The following TMEM39A variants were observed in gnomAD, a reference collection of about 807,000 sequenced individuals.
The protein encoded by TMEM39A is suppressor of SQST-1 aggregates in rpl-43 mutants.
TMEM39A carries 19 observed loss-of-function variants against 51.9 expected under a neutral mutation model. The ratio of observed to expected loss-of-function variants is 0.37; its 90% CI spans 0.26 to 0.54. The LOEUF (loss-of-function observed/expected upper bound fraction) is 0.54. Among genes scored for constraint, TMEM39A ranks in the 20% least tolerant of loss-of-function variants. TMEM39A has a pLI of 0.88. For synonymous variants in TMEM39A, 197 were observed against 220.2 expected (o/e 0.89, Z 0.93); for missense variants, 433 against 590.5 (o/e 0.73, Z 2.76).
rs372839914 is a variant in TMEM39A at position 119,438,051 on chromosome 3, G to T, written c.628C>A (p.Leu210Ile). ...CCFHQDSRAH[L>I]LLTDYNYVVQ... is the part of the protein sequence containing the mutation. Reference sequence around the variant, plus strand: ...ACATAGTTGTAGTCTGTGAGAAGAAGATGTGCTCTACTATCTTGATGAAAA... The same window carrying T: ...ACATAGTTGTAGTCTGTGAGAAGAATATGTGCTCTACTATCTTGATGAAAA... The change falls in exon 6 of 9, where the codon CTT becomes ATT. Residue 210 changes from leucine to isoleucine, a missense_variant. Physicochemically the swap from Leu to Ile is conservative, Grantham distance 5 (BLOSUM62 2). Transcript: ENST00000319172. The T allele has an allele frequency of 1.6e-5, 25 of 1,608,192 alleles. No homozygotes were observed. Among genetic ancestry groups the T allele is most frequent in the Non-Finnish European group, 2.0e-5 (23 of 1,175,050 alleles).
chr3:119,462,655 A>C (rs957727577), intron 1 of TMEM39A, among the ~76,000 whole-genome samples: 1 of 13,624 alleles, frequency 7.3e-5, no homozygotes, highest in Non-Finnish European at 1.3e-4. Context: ...GGGGGGGGGG[A>C]GTGTCCCCTG....
At position 119,461,972 on chromosome 3, in the gene TMEM39A, A is replaced by C; in HGVS notation, c.103T>G (p.Leu35Val). Reference protein sequence around the residue: ...VGGGCGNGTGLRNRNGSAIGL... With the variant: ...VGGGCGNGTGVRNRNGSAIGL... ...TTATTTTTTCTTTACCTGTTTCTCAAGCCTGTTCCATTGCCACAGCCTCCA... is the reference window on the plus strand; with the variant it reads ...TTATTTTTTCTTTACCTGTTTCTCACGCCTGTTCCATTGCCACAGCCTCCA... The change falls in exon 2 of 9, where the codon TTG becomes GTG. Residue 35 changes from leucine (L) to valine (V), a missense_variant. Physicochemically the swap from Leu to Val is conservative, Grantham distance 32 (BLOSUM62 1). Transcript: ENST00000319172. 6.2e-7 allele frequency: 1 copy of C among 1,614,034 alleles called. No individual in the cohort carries two copies. Among genetic ancestry groups the C allele is most frequent in the Non-Finnish European group, 8.5e-7 (1 of 1,179,920 alleles).
intron 5 of TMEM39A, among the ~76,000 whole-genome samples, chr3:119,441,278 A>C (rs2081049984): frequency 6.6e-6 from 1 of 152,244 alleles, no homozygotes; most frequent in East Asian, 1.9e-4. Flanking sequence ...TCAAAAGCCC[A>C]GACAAGCTGA....
At chr3:119,443,061 CTCA>C (rs2081076175) in intron 5 of TMEM39A, among the ~76,000 whole-genome samples, 1 of 48,534 alleles carries the variant, frequency 2.1e-5, no homozygotes. Context: ...GAGACCCTGT[CTCA>C]AAAAAAAAAA....
At chr3:119,437,085 A>G (rs986877923) in intron 6 of TMEM39A, 107 bp from the exon 7 acceptor site, 1 of 992,010 alleles carries the variant, frequency 1.0e-6, no homozygotes. Flanking sequence ...TGAGTCACAC[A>G]TGCACTGGTG....
chr3:119,437,666 A>G, intron 6 of TMEM39A, 89 bp downstream of exon 6: 1 of 1,103,810 alleles, frequency 9.1e-7, no homozygotes, highest in Non-Finnish European at 1.3e-6. Flanking sequence ...AAGGGGAGAC[A>G]GAGAAAAGGG....
In TMEM39A at chr3:119,446,151, T is replaced by C. The variant is rs903524651; in HGVS notation, c.575+867A>G. 2.2e-4 allele frequency among the ~76,000 whole-genome samples: 33 copies of C among 152,234 alleles called. 1 individual carries two copies. The highest frequency in any genetic ancestry group is 7.5e-4 in the African/African-American group (31 of 41,466). ...AATTTCATGGATAGAAGATTCATTCTTACAGTAAATCTTAGCAACCTCAGC... is the reference window on the plus strand; with the variant it reads ...AATTTCATGGATAGAAGATTCATTCCTACAGTAAATCTTAGCAACCTCAGC... On this transcript the variant is annotated intron_variant, in intron 5 of 8. Transcript: ENST00000319172.
chr3:119,436,997 G>T lies in TMEM39A; in HGVS notation c.925-19C>A. 6.2e-7 allele frequency: 1 copy of T among 1,600,614 alleles called. No homozygotes were observed. The highest frequency in any genetic ancestry group is 1.1e-5 in the South Asian group (1 of 90,108). The stretch of plus-strand genomic sequence containing the variant: ...GGGTACTCTGGAAGAGATCAGAAGA[G>T]AGAGAAATGATCCATGCACTGGTAA... On this transcript the variant is annotated intron_variant, in intron 6 of 8. Transcript: ENST00000319172.
chr3:119,437,958 GAA>G lies in TMEM39A; in HGVS notation c.719_720del (p.Phe240SerfsTer13). 1.2e-6 allele frequency: 2 copies of G among 1,614,156 alleles called. No homozygotes were observed. Among genetic ancestry groups the G allele is most frequent in the Non-Finnish European group, 1.7e-6 (2 of 1,180,012 alleles). ...TTTAGCGACTCCAGCAACAAGGAGA[GAA>G]AGTCTTTGGATTTGGCCAAGCCTCC... is the stretch of plus-strand genomic sequence containing the variant. Reference protein sequence around the residue: ...TVGGLAKSKDFLSLLLESLKE... With the variant: ...TVGGLAKSKDXLSLLLESLKE... On this transcript the variant is annotated frameshift_variant, in exon 6 of 9. Transcript: ENST00000319172. LOFTEE classifies it high-confidence loss of function.
chr3:119,445,427 G>T (rs776540864), intron 5 of TMEM39A, among the ~76,000 whole-genome samples: 3 of 152,098 alleles, frequency 2.0e-5, no homozygotes, highest in African/African-American at 7.2e-5. Context: ...ACCACGCCCT[G>T]CTAATTTTTT....
intron 8 of TMEM39A, 128 bp from the exon 9 acceptor site, chr3:119,432,342 T>C (rs2080912268): frequency 1.7e-6 from 1 of 595,432 alleles, no homozygotes; most frequent in African/African-American, 1.9e-5. Flanking sequence ...AATAGATCTG[T>C]TTATTTAATA....
intron 5 of TMEM39A, among the ~76,000 whole-genome samples, chr3:119,443,723 C>T: frequency 6.6e-6 from 1 of 151,942 alleles, no homozygotes; most frequent in East Asian, 1.9e-4. Flanking sequence ...CAAGACCAGC[C>T]TGGGCAACAA....
chr3:119,445,461 C>T (rs1486650973), intron 5 of TMEM39A, among the ~76,000 whole-genome samples: 3 of 152,126 alleles, frequency 2.0e-5, no homozygotes, highest in Non-Finnish European at 2.9e-5. Flanking sequence ...GACGGGGTTT[C>T]GCCATGTTGG....
chr3:119,433,740 T>G (rs1442346783), intron 8 of TMEM39A, among the ~76,000 whole-genome samples: 1 of 152,194 alleles, frequency 6.6e-6, no homozygotes, highest in Non-Finnish European at 1.5e-5. Flanking sequence ...TTCCTCCACC[T>G]TAAGGCATTT....
chr3:119,439,880 G>A (rs923543590), intron 5 of TMEM39A, among the ~76,000 whole-genome samples: 9 of 151,822 alleles, frequency 5.9e-5, no homozygotes, highest in Admixed American at 5.3e-4. Flanking sequence ...CAATTCTCCC[G>A]CCTCAGCCTC....
At chr3:119,437,674 G>A (rs2098618008) in intron 6 of TMEM39A, 81 bp downstream of exon 6, 1 of 1,172,690 alleles carries the variant, frequency 8.5e-7, no homozygotes, top group African/African-American at 1.6e-5. Context: ...ACAGAGAAAA[G>A]GGGGATTAAA....
chr3:119,450,591 G>T (rs1229708889), intron 4 of TMEM39A, among the ~76,000 whole-genome samples: 1 of 152,110 alleles, frequency 6.6e-6, no homozygotes, highest in Admixed American at 6.5e-5. Context: ...GGAGGCCAAG[G>T]TGGGTGGATC....
rs761895401 is a variant in TMEM39A at position 119,431,828 on chromosome 3, G to A, written c.*153C>T. The A allele has an allele frequency of 5.8e-5, 30 of 514,252 alleles. No individual in the cohort carries two copies. The South Asian group carries it at 7.3e-4, about 13-fold the overall frequency. The allele number at this position is 514,252 out of a possible 1,614,324, so 31.9% of individuals were successfully genotyped here. ...TGAAAGATCACATCACCTTGTTTAC[G>A]GATACATTTAATATCCCTTACTCTT... On this transcript the variant is annotated 3_prime_UTR_variant, in exon 9 of 9. Coordinates refer to ENST00000319172, the MANE Select transcript of TMEM39A (RefSeq NM_018266.3).
intron 7 of TMEM39A, chr3:119,435,133 G>A: frequency 1.0e-6 from 1 of 985,406 alleles, no homozygotes; most frequent in Non-Finnish European, 1.2e-6. Context: ...GGACTTAAGA[G>A]GCTTAGAAGA....
Sources: allele counts gnomAD v4.1 joint callset (sites outside exome capture counted in the v4.1 genomes callset), GRCh38; gene constraint gnomAD v4.1.1; transcripts MANE v1.5; gene names NCBI Gene and HGNC (gene_info 2026-07-23, HGNC 2026-07-21).